Variants in CSNK1A1 observed in about 807,000 individuals in gnomAD.
The protein encoded by CSNK1A1 is casein kinase I isoform alpha.
Under a neutral mutation model 46.1 loss-of-function variants are expected in CSNK1A1, and 7 were observed. The observed-to-expected ratio is 0.15, with a 90% CI of 0.09 to 0.29. CSNK1A1 has a LOEUF of 0.29. Among genes scored for constraint, CSNK1A1 ranks in the 10% least tolerant of loss-of-function variants. The probability of loss-of-function intolerance (pLI) is 1.00; values close to 1 mark genes in which losing one functional copy is unlikely to be tolerated. For missense variants in CSNK1A1, 96 were observed against 417.1 expected (o/e 0.23, Z 6.71); for synonymous variants, 137 against 141.5 (o/e 0.97, Z 0.23).
chr5:149,517,753 T>G lies in CSNK1A1; in HGVS notation c.456+2537A>C, dbSNP rs780716974. ...TAAAACAATAAAAAAGAAAAGCACA[T>G]GAATTTGGGATTGAGGTTGGAATAG... On this transcript the variant is annotated intron_variant, in intron 4 of 9. Transcript: ENST00000377843. The surrounding 1 kb of genome is among the most constrained non-coding windows in gnomAD (Gnocchi z 4.4). 9 of 1,223,454 alleles carry G rather than the reference T, an allele frequency of 7.4e-6. No homozygotes were observed. The highest frequency in any genetic ancestry group is 3.0e-5 in the African/African-American group (2 of 66,228). 75.8% of individuals were successfully genotyped at this position (1,223,454 alleles called of 1,614,324 possible).
chr5:149,501,483 C>G, intron 9 of CSNK1A1: 3 of 985,290 alleles, frequency 3.0e-6, no homozygotes, highest in South Asian at 4.7e-5. Flanking sequence ...TAGATGCAGC[C>G]CAGTAAAACT....
chr5:149,493,354 C>A lies in CSNK1A1; in HGVS notation c.*3499G>T, dbSNP rs907861997. On this transcript the variant is annotated 3_prime_UTR_variant, in exon 10 of 10. Coordinates refer to ENST00000377843, the MANE Select transcript of CSNK1A1 (RefSeq NM_001892.6). ...CACAGGCGTGTGCCACTGCTCCTAG[C>A]CAACCACTTTTTTTTTTTTTTTTTT... The A allele has an allele frequency of 2.8e-5, 4 of 141,950 alleles. No homozygotes were observed. The East Asian group carries it at 6.5e-4, about 23-fold the overall frequency. 8.8% of individuals were successfully genotyped at this position (141,950 alleles called of 1,614,324 possible).
chr5:149,512,460 T>C (rs1761258311), intron 5 of CSNK1A1, among the ~76,000 whole-genome samples: 2 of 152,294 alleles, frequency 1.3e-5, no homozygotes, highest in African/African-American at 2.4e-5. Flanking sequence ...AGGCATATCA[T>C]TGTTTTTTCT....
At position 149,540,752 on chromosome 5, in the gene CSNK1A1, C is replaced by T. The variant is rs113951153; in HGVS notation, c.230+9323G>A. Among the ~76,000 whole-genome samples the T allele has an allele frequency of 1.0e-3, 153 of 152,164 alleles. 2 individuals are homozygous for T. Among genetic ancestry groups the T allele is most frequent in the African/African-American group, 3.4e-3 (141 of 41,494 alleles). On this transcript the variant is annotated intron_variant, in intron 2 of 9. Coordinates refer to ENST00000377843, the MANE Select transcript of CSNK1A1 (RefSeq NM_001892.6). ...AAAAATCAAATAGTCCTTATCTCAA[C>T]AGAGATGTAGGTTACACCAACATAT...
chr5:149,510,045 G>C (rs928660218), intron 6 of CSNK1A1, 92 bp from the exon 7 acceptor site: 6 of 756,744 alleles, frequency 7.9e-6, no homozygotes, highest in African/African-American at 7.2e-5. Flanking sequence ...ACATATACCT[G>C]TGAGATTCAA....
chr5:149,545,516 G>T lies in CSNK1A1; in HGVS notation c.230+4559C>A. The T allele has an allele frequency of 6.3e-6, 4 of 635,354 alleles. No homozygotes were observed. In the South Asian group the frequency reaches 6.6e-5, roughly 11 times the overall value. The allele number at this position is 635,354 out of a possible 1,614,324, so 39.4% of individuals were successfully genotyped here. A position where few individuals can be genotyped will look rare whatever the true frequency, so the allele number is the denominator to read the frequency against. ...CACAGTCTGAGCCCCTTGGCAATGCGGACACAAGCACACTTCCCAAGCTTG... is the reference window on the plus strand; with the variant it reads ...CACAGTCTGAGCCCCTTGGCAATGCTGACACAAGCACACTTCCCAAGCTTG... On this transcript the variant is annotated intron_variant, in intron 2 of 9. Coordinates refer to ENST00000377843, the MANE Select transcript of CSNK1A1 (RefSeq NM_001892.6).
chr5:149,538,755 T>C lies in CSNK1A1; in HGVS notation c.230+11320A>G, dbSNP rs555274843. ...CTGGCCAACAAGGAGAAACCCCGTC[T>C]CTACTAAAAATACAAAATTAGCCGA... On this transcript the variant is annotated intron_variant, in intron 2 of 9. Transcript: ENST00000377843. Among the ~76,000 whole-genome samples, 15 of 152,190 alleles carry C rather than the reference T, an allele frequency of 9.9e-5. 1 individual carries two copies. The South Asian group carries it at 3.1e-3, about 32-fold the overall frequency.
In CSNK1A1 at chr5:149,550,823, C is replaced by G. The variant is rs772051569; in HGVS notation, c.123+19G>C. The G allele has an allele frequency of 6.2e-7, 1 of 1,613,794 alleles. No individual in the cohort carries two copies. Among genetic ancestry groups the G allele is most frequent in the Non-Finnish European group, 8.5e-7 (1 of 1,179,834 alleles). On this transcript the variant is annotated intron_variant, in intron 1 of 9. Coordinates refer to ENST00000377843, the MANE Select transcript of CSNK1A1 (RefSeq NM_001892.6). The surrounding 1 kb of genome is among the most constrained non-coding windows in gnomAD (Gnocchi z 4.3). Reference sequence around the variant, plus strand: ...AGTAAAAGCGCAGCGTTATCGTGAACCCCACCCCAGATGATTACCTCGCCG... The same window carrying G: ...AGTAAAAGCGCAGCGTTATCGTGAAGCCCACCCCAGATGATTACCTCGCCG...
intron 2 of CSNK1A1, among the ~76,000 whole-genome samples, chr5:149,549,761 C>G (rs906662390): frequency 6.6e-6 from 1 of 152,174 alleles, no homozygotes. Flanking sequence ...AGAAGTGCCG[C>G]CGTAAAAAAG....
intron 9 of CSNK1A1, chr5:149,498,763 T>A: frequency 1.0e-6 from 1 of 985,316 alleles, no homozygotes; most frequent in Non-Finnish European, 1.2e-6. Context: ...ATGGTGAATA[T>A]ACCAAATGGC....
At chr5:149,499,583 G>T (rs1002290087) in intron 9 of CSNK1A1, among the ~76,000 whole-genome samples, 27 of 151,792 alleles carry the variant, frequency 1.8e-4, no homozygotes, top group African/African-American at 6.5e-4. Flanking sequence ...GCAACATAGT[G>T]AGACTTTGTC....
intron 7 of CSNK1A1, among the ~76,000 whole-genome samples, chr5:149,509,541 C>T (rs1308497484): frequency 6.6e-6 from 1 of 152,224 alleles, no homozygotes; most frequent in East Asian, 1.9e-4. Flanking sequence ...GCTGGGACCA[C>T]AGACGTGTAT....
chr5:149,515,674 G>C (rs1446453605), intron 4 of CSNK1A1, among the ~76,000 whole-genome samples: 1 of 152,174 alleles, frequency 6.6e-6, no homozygotes, highest in Middle Eastern at 3.4e-3. Flanking sequence ...ATTACCTTCG[G>C]GTACCTATCA....
chr5:149,506,980 A>G (rs374430739), intron 8 of CSNK1A1, 47 bp downstream of exon 8: 7 of 1,436,596 alleles, frequency 4.9e-6, no homozygotes, highest in Non-Finnish European at 6.8e-6. Context: ...AAATTTAACC[A>G]ATTTCCCTCA....
chr5:149,545,513 T>C (rs1762450204), intron 2 of CSNK1A1: 1 of 634,782 alleles, frequency 1.6e-6, no homozygotes, highest in Admixed American at 2.1e-5. Context: ...CCCTTGGCAA[T>C]GCGGACACAA....
chr5:149,499,967 CTTTTTT>C (rs1162496799), intron 9 of CSNK1A1, among the ~76,000 whole-genome samples: 2 of 77,710 alleles, frequency 2.6e-5, no homozygotes, highest in African/African-American at 4.3e-5. Flanking sequence ...TTCTTTTTTT[CTTTTTT>C]TTTTTTTTTT....
chr5:149,539,721 CTT>C (rs527400053), intron 2 of CSNK1A1, among the ~76,000 whole-genome samples: 1 of 148,112 alleles, frequency 6.8e-6, no homozygotes, highest in Non-Finnish European at 1.5e-5. Flanking sequence ...GATTAGTTGT[CTT>C]TTTTTTTTAA....
At chr5:149,542,077 AG>A (rs1762250803) in intron 2 of CSNK1A1, among the ~76,000 whole-genome samples, 1 of 151,758 alleles carries the variant, frequency 6.6e-6, no homozygotes, top group South Asian at 2.1e-4. Context: ...AGCGAAGTGA[AG>A]CTTCATCTGT....
At chr5:149,518,355 C>T (rs1000091167) in intron 4 of CSNK1A1, among the ~76,000 whole-genome samples, 3 of 151,968 alleles carry the variant, frequency 2.0e-5, no homozygotes, top group Non-Finnish European at 4.4e-5. Context: ...ATTGGAGTGG[C>T]CACTCCTAAA....
Sources: allele counts gnomAD v4.1 joint callset (sites outside exome capture counted in the v4.1 genomes callset), GRCh38; gene constraint gnomAD v4.1.1; non-coding constraint Gnocchi (gnomAD v3.1); transcripts MANE v1.5; gene names NCBI Gene and HGNC (gene_info 2026-07-23, HGNC 2026-07-21).